The following ANKS1B variants were observed in gnomAD, a reference collection of about 807,000 sequenced individuals.
ANKS1B encodes ankyrin repeat and sterile alpha motif domain containing 1B.
ANKS1B carries 36 observed loss-of-function variants against 148.3 expected under a neutral mutation model. The observed-to-expected ratio is 0.24, with a 90% CI of 0.19 to 0.32. The LOEUF is 0.32. Ranked by LOEUF, ANKS1B falls within the 10% of genes least tolerant of loss-of-function variation. ANKS1B has a pLI of 1.00. For synonymous variants in ANKS1B, 542 were observed against 560.8 expected (o/e 0.97, Z 0.47); for missense variants, 1,157 against 1,542.6 (o/e 0.75, Z 4.19).
intron 1 of ANKS1B, among the ~76,000 whole-genome samples, chr12:99,950,481 T>C (rs2095189596): frequency 6.6e-6 from 1 of 152,126 alleles, no homozygotes; most frequent in African/African-American, 2.4e-5. Flanking sequence ...TCGTAGTGTT[T>C]GCAACATTAT....
chr12:99,512,009 A>C (rs1160617035), intron 9 of ANKS1B, among the ~76,000 whole-genome samples: 1 of 152,108 alleles, frequency 6.6e-6, no homozygotes, highest in African/African-American at 2.4e-5. Context: ...ATGGGCAAAG[A>C]CTTCATGCTG....
intron 15 of ANKS1B, among the ~76,000 whole-genome samples, chr12:99,120,374 A>G (rs7961789): frequency 0.59 from 89,053 of 152,042 alleles, 26,508 homozygotes; most frequent in East Asian, 0.74. Context: ...AGAACTACAC[A>G]TGCCATTATT....
chr12:99,375,415 G>A (rs147744416), intron 12 of ANKS1B, among the ~76,000 whole-genome samples: 348 of 152,228 alleles, frequency 2.3e-3, no homozygotes, highest in Non-Finnish European at 3.6e-3. Context: ...CCTTTCTTAC[G>A]TTGATTTGGG....
At chr12:99,651,416 C>T (rs1167627271) in intron 9 of ANKS1B, among the ~76,000 whole-genome samples, 2 of 152,078 alleles carry the variant, frequency 1.3e-5, no homozygotes, top group African/African-American at 4.8e-5. Flanking sequence ...TCATATGATA[C>T]TGGAGACCCC....
chr12:99,671,222 G>A (rs2098536663), intron 8 of ANKS1B, among the ~76,000 whole-genome samples: 1 of 152,096 alleles, frequency 6.6e-6, no homozygotes, highest in Non-Finnish European at 1.5e-5. Flanking sequence ...GGCACATCAT[G>A]TGTATATACG....
chr12:98,855,024 T>C (rs1465133268), intron 17 of ANKS1B, among the ~76,000 whole-genome samples: 1 of 151,998 alleles, frequency 6.6e-6, no homozygotes, highest in Non-Finnish European at 1.5e-5. Flanking sequence ...CCGGGCGCGG[T>C]GGCGGGCGCC....
chr12:99,159,555 A>T (rs993078191), intron 14 of ANKS1B, among the ~76,000 whole-genome samples: 2 of 151,862 alleles, frequency 1.3e-5, no homozygotes, highest in Non-Finnish European at 2.9e-5. Flanking sequence ...AAAGGATATA[A>T]TTTTTTTTCT....
rs2098439248 is a variant in ANKS1B at position 99,654,211 on chromosome 12, C to A, written c.1272+856G>T. On this transcript the variant is annotated intron_variant, in intron 9 of 26. Transcript: ENST00000683438. ...GAGGGGCTATGATCAAATTATGATA[C>A]AGACATGTGGAAGACGTGATGGTTT... Among the ~76,000 whole-genome samples the A allele has an allele frequency of 2.0e-5, 3 of 152,116 alleles. No individual in the cohort carries two copies. The South Asian group carries it at 6.2e-4, about 32-fold the overall frequency.
At chr12:99,428,287 C>A (rs1327795794) in intron 11 of ANKS1B, among the ~76,000 whole-genome samples, 1 of 151,924 alleles carries the variant, frequency 6.6e-6, no homozygotes, top group Non-Finnish European at 1.5e-5. Flanking sequence ...AGAGCATACA[C>A]AAAGTAAGGA....
intron 11 of ANKS1B, among the ~76,000 whole-genome samples, chr12:99,422,165 A>C (rs534239861): frequency 1.3e-5 from 2 of 152,302 alleles, no homozygotes; most frequent in South Asian, 4.1e-4. Flanking sequence ...GCAAAACATA[A>C]AGATGGATGT....
chr12:99,828,414 A>G (rs982013274), intron 1 of ANKS1B, among the ~76,000 whole-genome samples: 1 of 152,158 alleles, frequency 6.6e-6, no homozygotes, highest in African/African-American at 2.4e-5. Flanking sequence ...ACAAGTCCCA[A>G]CACTATGAAC....
chr12:99,702,239 G>T (rs2054948276), intron 8 of ANKS1B, among the ~76,000 whole-genome samples: 1 of 152,108 alleles, frequency 6.6e-6, no homozygotes, highest in African/African-American at 2.4e-5. Flanking sequence ...CATTTTAACT[G>T]GGGTGAGAGG....
chr12:99,691,857 C>T (rs12425277), intron 8 of ANKS1B, among the ~76,000 whole-genome samples: 18,890 of 152,110 alleles, frequency 0.12, 1,792 homozygotes, highest in East Asian at 0.46. Flanking sequence ...CACACAGAAA[C>T]TGAGATAACA....
chr12:99,251,165 G>A (rs1011703321), intron 12 of ANKS1B, among the ~76,000 whole-genome samples: 1 of 152,080 alleles, frequency 6.6e-6, no homozygotes, highest in African/African-American at 2.4e-5. Context: ...ATGAATTTTG[G>A]TAGAACACAA....
intron 14 of ANKS1B, among the ~76,000 whole-genome samples, chr12:99,212,848 G>A (rs78343965): frequency 9.9e-5 from 15 of 152,250 alleles, no homozygotes; most frequent in African/African-American, 2.4e-4. Flanking sequence ...GAGTGCCTAC[G>A]CTTGTGCTAA....
intron 14 of ANKS1B, among the ~76,000 whole-genome samples, chr12:99,199,068 T>C (rs560747512): frequency 2.0e-5 from 3 of 152,266 alleles, no homozygotes; most frequent in African/African-American, 7.2e-5. Context: ...GCTGTTTAAG[T>C]GAGCCACTTT....
chr12:99,884,145 A>T (rs190614062), intron 1 of ANKS1B, among the ~76,000 whole-genome samples: 1 of 152,148 alleles, frequency 6.6e-6, no homozygotes, highest in Non-Finnish European at 1.5e-5. Flanking sequence ...TTAATAGTAA[A>T]TAAGTACATG....
intron 9 of ANKS1B, among the ~76,000 whole-genome samples, chr12:99,605,879 G>A (rs551641637): frequency 1.3e-5 from 2 of 151,956 alleles, no homozygotes; most frequent in Middle Eastern, 3.2e-3. Flanking sequence ...TAATATGGTA[G>A]CTCTATTTTT....
At chr12:98,938,528 G>C (rs2099825741) in intron 17 of ANKS1B, among the ~76,000 whole-genome samples, 1 of 152,180 alleles carries the variant, frequency 6.6e-6, no homozygotes, top group African/African-American at 2.4e-5. Flanking sequence ...AAATGTCATG[G>C]ATAGGAAAAG....
Sources: gnomAD v4.1 joint callset for allele counts (sites outside exome capture counted in the v4.1 genomes callset) on GRCh38, gnomAD v4.1.1 for gene constraint, MANE v1.5 for transcripts, NCBI Gene and HGNC (gene_info 2026-07-23, HGNC 2026-07-21) for gene names.